Variants in GABRB3 observed in about 807,000 individuals in gnomAD.
The protein encoded by GABRB3 is gamma-aminobutyric acid type A receptor subunit beta3, also known as gamma-aminobutyric acid receptor subunit beta-3.
GABRB3 carries 14 observed loss-of-function variants against 52.1 expected under a neutral mutation model. The ratio of observed to expected loss-of-function variants is 0.27; its 90% confidence interval spans 0.18 to 0.42. The LOEUF is 0.42. Among genes scored for constraint, GABRB3 ranks in the 10% least tolerant of loss-of-function variants. The pLI is 1.00. For missense variants in GABRB3, 307 were observed against 609.1 expected (o/e 0.50, Z 5.22); for synonymous variants, 260 against 232.3 (o/e 1.12, Z -1.08).
rs553877122 is a variant in GABRB3, at chr15:26,549,258, G to A, written c.1081-1124C>T. 2.7e-3 allele frequency among the ~76,000 whole-genome samples: 416 copies of A among 152,328 alleles called. 2 individuals carry two copies. The highest frequency in any genetic ancestry group is 9.6e-3 in the African/African-American group (399 of 41,594). On this transcript the variant is annotated intron_variant, in intron 8 of 8. Coordinates refer to ENST00000311550, the MANE Select transcript of GABRB3 (RefSeq NM_000814.6). ...CAATGGCATCCAGCTAGATAAGCAGGAGGTGAGGTGGTGAGAGGAGTCCTG... is the reference window on the plus strand; with the variant it reads ...CAATGGCATCCAGCTAGATAAGCAGAAGGTGAGGTGGTGAGAGGAGTCCTG...
At chr15:26,749,638 C>G (rs915152976) in intron 3 of GABRB3, among the ~76,000 whole-genome samples, 1 of 152,076 alleles carries the variant, frequency 6.6e-6, no homozygotes, top group Non-Finnish European at 1.5e-5. Flanking sequence ...ACTGCTGAAA[C>G]GAGGAGGAAG....
intron 3 of GABRB3, among the ~76,000 whole-genome samples, chr15:26,761,320 G>C (rs1034496284): frequency 2.6e-5 from 4 of 151,854 alleles, no homozygotes; most frequent in African/African-American, 9.7e-5. Context: ...ACTTGAACCC[G>C]GGAGTCTGAG....
chr15:26,680,923 GA>G (rs1257988192), intron 3 of GABRB3, among the ~76,000 whole-genome samples: 1 of 152,056 alleles, frequency 6.6e-6, no homozygotes, highest in Non-Finnish European at 1.5e-5. Flanking sequence ...CTGCTTGCTA[GA>G]AAAAAGGAAG....
intron 3 of GABRB3, among the ~76,000 whole-genome samples, chr15:26,763,411 G>A (rs542461809): frequency 8.5e-5 from 13 of 152,208 alleles, no homozygotes; most frequent in African/African-American, 2.2e-4. Context: ...GAATTCACTC[G>A]ACAAATATTT....
At chr15:26,652,350 A>G (rs1401198397) in intron 3 of GABRB3, among the ~76,000 whole-genome samples, 1 of 152,220 alleles carries the variant, frequency 6.6e-6, no homozygotes, top group Admixed American at 6.5e-5. Context: ...CGGCCTCAGG[A>G]GCTCTTACTC....
chr15:26,568,026 A>T (rs1890245158), intron 6 of GABRB3, among the ~76,000 whole-genome samples: 1 of 152,260 alleles, frequency 6.6e-6, no homozygotes. Flanking sequence ...GAATAATGCC[A>T]AATACCTTGT....
intron 4 of GABRB3, among the ~76,000 whole-genome samples, chr15:26,593,118 C>A (rs532571868): frequency 6.6e-6 from 1 of 152,096 alleles, no homozygotes; most frequent in East Asian, 1.9e-4. Context: ...GTCTGGATGA[C>A]CCTATTTTGA....
chr15:26,748,651 T>A (rs1415642906), intron 3 of GABRB3, among the ~76,000 whole-genome samples: 1 of 152,186 alleles, frequency 6.6e-6, no homozygotes, highest in African/African-American at 2.4e-5. Flanking sequence ...AGATAAAAAT[T>A]TTTATTTGAT....
chr15:26,555,395 G>A (rs959632454), intron 8 of GABRB3, among the ~76,000 whole-genome samples: 9 of 152,134 alleles, frequency 5.9e-5, no homozygotes, highest in Non-Finnish European at 1.3e-4. Flanking sequence ...AATGAATGTT[G>A]ACTTGAGTTT....
At chr15:26,712,943 A>C (rs982747757) in intron 3 of GABRB3, among the ~76,000 whole-genome samples, 1 of 152,200 alleles carries the variant, frequency 6.6e-6, no homozygotes, top group Non-Finnish European at 1.5e-5. Context: ...CAGGCTTCGG[A>C]AACTCCGCAT....
chr15:26,613,929 T>C (rs973803288), intron 4 of GABRB3: 3 of 152,178 alleles, frequency 2.0e-5, no homozygotes, highest in Non-Finnish European at 4.4e-5. Flanking sequence ...CTAGACACAG[T>C]GCAGCCATAT....
intron 4 of GABRB3, among the ~76,000 whole-genome samples, chr15:26,587,725 C>T (rs994914493): frequency 1.3e-5 from 2 of 152,174 alleles, no homozygotes; most frequent in East Asian, 1.9e-4. Context: ...GCCTAGTGCA[C>T]GGAGATCAAC....
chr15:26,583,201 TTCTC>T (rs1452217573), intron 5 of GABRB3, 127 bp downstream of exon 5: 4 of 728,278 alleles, frequency 5.5e-6, no homozygotes, highest in African/African-American at 3.5e-5. Context: ...CTCTCTGTGT[TTCTC>T]TCTCTGTGTC....
chr15:26,571,157 C>G (rs1890378793), intron 6 of GABRB3, among the ~76,000 whole-genome samples: 2 of 152,124 alleles, frequency 1.3e-5, no homozygotes, highest in African/African-American at 4.8e-5. Flanking sequence ...AACCTCAGAC[C>G]TTTCTTATCA....
intron 4 of GABRB3, among the ~76,000 whole-genome samples, chr15:26,584,028 G>A (rs901694490): frequency 9.2e-5 from 14 of 152,040 alleles, no homozygotes; most frequent in African/African-American, 2.9e-4. Context: ...CGCCTGCCTC[G>A]GCCTCCCAAA....
chr15:26,738,486 CT>C (rs982793301), intron 3 of GABRB3, among the ~76,000 whole-genome samples: 1 of 152,076 alleles, frequency 6.6e-6, no homozygotes, highest in African/African-American at 2.4e-5. Context: ...ATTATAATTC[CT>C]TTTTTTGGCT....
At chr15:26,596,983 G>A (rs1202852316) in intron 4 of GABRB3, among the ~76,000 whole-genome samples, 4 of 152,104 alleles carry the variant, frequency 2.6e-5, no homozygotes, top group Non-Finnish European at 5.9e-5. Context: ...CAGCAAGGGG[G>A]GCTGAGCAGG....
At chr15:26,770,520 A>G (rs1353667689) in intron 3 of GABRB3, among the ~76,000 whole-genome samples, 1 of 152,254 alleles carries the variant, frequency 6.6e-6, no homozygotes, top group Non-Finnish European at 1.5e-5. Flanking sequence ...CGTACCAACT[A>G]TCAGCATGAT....
At chr15:26,628,959 C>T (rs1389575897) in intron 3 of GABRB3, 16 of 1,535,880 alleles carry the variant, frequency 1.0e-5, no homozygotes, top group Non-Finnish European at 1.3e-5. Context: ...GCCGAGAGCC[C>T]GCGTCCCCGA....
Sources: gnomAD v4.1 joint callset for allele counts (sites outside exome capture counted in the v4.1 genomes callset) on GRCh38, gnomAD v4.1.1 for gene constraint, MANE v1.5 for transcripts, NCBI Gene and HGNC (gene_info 2026-07-23, HGNC 2026-07-21) for gene names.